The following KIF17 variants were observed in gnomAD, a reference collection of about 807,000 sequenced individuals.
The protein encoded by KIF17 is kinesin family member 17, also known as kinesin-like protein KIF17.
KIF17 carries 80 observed loss-of-function variants against 96.8 expected under a neutral mutation model. That is an observed-to-expected ratio of 0.83 (90% confidence interval 0.69 to 1.00). The LOEUF (loss-of-function observed/expected upper bound fraction) is 1.00. KIF17 is among the 50% of genes least tolerant of loss of function. The pLI is 0.00. For synonymous variants in KIF17, 567 were observed against 587.5 expected (o/e 0.97, Z 0.51); for missense variants, 1,280 against 1,372.9 (o/e 0.93, Z 1.07).
At chr1:20,707,871 A>G (rs191295941) in intron 4 of KIF17, among the ~76,000 whole-genome samples, 7 of 147,002 alleles carry the variant, frequency 4.8e-5, no homozygotes, top group Middle Eastern at 3.6e-3. Flanking sequence ...TAATATATAC[A>G]TTTATATATA....
chr1:20,714,071 C>T (rs139259969), intron 2 of KIF17, among the ~76,000 whole-genome samples: 2,415 of 152,040 alleles, frequency 0.016, 36 homozygotes, highest in Non-Finnish European at 0.023. Flanking sequence ...CTCACGCCTG[C>T]AATCCCAGCA....
At chr1:20,707,753 G>A (rs1360656411) in intron 4 of KIF17, among the ~76,000 whole-genome samples, 3 of 145,848 alleles carry the variant, frequency 2.1e-5, no homozygotes, top group Non-Finnish European at 3.0e-5. Context: ...CTGGGCAACA[G>A]AGCTGTCTCA....
At chr1:20,712,886 TATAG>T (rs1199549047) in intron 3 of KIF17, among the ~76,000 whole-genome samples, 6 of 88,966 alleles carry the variant, frequency 6.7e-5, no homozygotes, top group Non-Finnish European at 9.7e-5. Flanking sequence ...CTATATATAA[TATAG>T]ATAATATTAT....
chr1:20,688,496 G>A (rs1031340531), intron 7 of KIF17, among the ~76,000 whole-genome samples: 1 of 152,104 alleles, frequency 6.6e-6, no homozygotes, highest in African/African-American at 2.4e-5. Context: ...AGCCTTCCCT[G>A]ACCAACGCTG....
intron 7 of KIF17, among the ~76,000 whole-genome samples, chr1:20,688,164 G>A (rs913846410): frequency 3.3e-5 from 5 of 151,404 alleles, no homozygotes; most frequent in South Asian, 4.2e-4. Context: ...CTCCTGCCTC[G>A]GCCTCCCGAG....
At chr1:20,711,891 T>A (rs1337106401) in intron 3 of KIF17, among the ~76,000 whole-genome samples, 20 of 152,150 alleles carry the variant, frequency 1.3e-4, no homozygotes. Context: ...CTCAGTTTCC[T>A]CATCTGTTGT....
intron 6 of KIF17, among the ~76,000 whole-genome samples, chr1:20,691,115 GGCGAAACCCCGCCTCTACTAAAAAT>G (rs769092234): frequency 1.6e-4 from 25 of 151,582 alleles, no homozygotes; most frequent in Non-Finnish European, 3.5e-4. Flanking sequence ...TGGCCAACAT[GGCGAAACCCCGCCTCTACTAAAAAT>G]GCAAAAATTA....
chr1:20,667,992 A>G (rs949529815), intron 13 of KIF17, among the ~76,000 whole-genome samples: 1 of 148,730 alleles, frequency 6.7e-6, no homozygotes, highest in Non-Finnish European at 1.5e-5. Flanking sequence ...CCTGGGCAAC[A>G]AGAGTGAAAC....
At chr1:20,702,443 T>A (rs1570470209) in intron 5 of KIF17, among the ~76,000 whole-genome samples, 1 of 152,256 alleles carries the variant, frequency 6.6e-6, no homozygotes, top group South Asian at 2.1e-4. Flanking sequence ...CCTGGTACCC[T>A]CACCATTCTT....
At chr1:20,692,658 T>G (rs540138838) in intron 6 of KIF17, 1 of 152,336 alleles carries the variant, frequency 6.6e-6, no homozygotes, top group East Asian at 1.9e-4. Context: ...TTTCTGTGTG[T>G]GTGCTCATGA....
At chr1:20,703,605 T>C (rs1205730646) in intron 5 of KIF17, among the ~76,000 whole-genome samples, 1 of 147,592 alleles carries the variant, frequency 6.8e-6, no homozygotes, top group Non-Finnish European at 1.5e-5. Flanking sequence ...GGTGGGAAGG[T>C]GGGTAGGTGG....
At position 20,714,468 on chromosome 1, in the gene KIF17, C is replaced by A. The variant is rs370643913; in HGVS notation, c.379-913G>T. ...TCGCGCCATTGCACTCCAGCCTGGGCGAAAGAGCAAGACTCCGTCTCAAAA... is the reference window on the plus strand; with the variant it reads ...TCGCGCCATTGCACTCCAGCCTGGGAGAAAGAGCAAGACTCCGTCTCAAAA... On this transcript the variant is annotated intron_variant, in intron 2 of 14. Transcript: ENST00000400463. 3.4e-5 allele frequency among the ~76,000 whole-genome samples: 5 copies of A among 148,452 alleles called. No homozygotes were observed. The South Asian group carries it at 1.1e-3, about 32-fold the overall frequency.
chr1:20,670,296 C>G, intron 13 of KIF17, 125 bp downstream of exon 13: 1 of 934,722 alleles, frequency 1.1e-6, no homozygotes, highest in Non-Finnish European at 1.7e-6. Flanking sequence ...AGCCTTGGCC[C>G]CTTCTTTAAT....
intron 6 of KIF17, among the ~76,000 whole-genome samples, chr1:20,695,376 C>T (rs187849843): frequency 1.3e-5 from 2 of 152,272 alleles, no homozygotes; most frequent in East Asian, 1.9e-4. Context: ...GTAGTAGAGA[C>T]GGGGTTTCGC....
chr1:20,690,041 T>C lies in KIF17; in HGVS notation c.1381+147A>G, dbSNP rs568893256. Reference sequence around the variant, plus strand: ...TCCTCATCTATATAGCGAGCATAATTGTGGTACCTACCTTACTGGACCATT... The same window carrying C: ...TCCTCATCTATATAGCGAGCATAATCGTGGTACCTACCTTACTGGACCATT... On this transcript the variant is annotated intron_variant, in intron 7 of 14. Transcript: ENST00000400463. The C allele has an allele frequency of 4.8e-6, 4 of 825,440 alleles. No homozygotes were observed. In the African/African-American group the frequency reaches 6.7e-5, roughly 14 times the overall value. The allele number at this position is 825,440 out of a possible 1,614,324, so 51.1% of individuals were successfully genotyped here.
intron 11 of KIF17, among the ~76,000 whole-genome samples, chr1:20,674,575 C>CTTTT (rs34777403): frequency 0.1 from 14,636 of 142,102 alleles, 957 homozygotes; most frequent in Middle Eastern, 0.17. Flanking sequence ...ATTTATCCCT[C>CTTTT]TTTTTTTTTT....
At chr1:20,698,939 G>C (rs909164385) in intron 5 of KIF17, among the ~76,000 whole-genome samples, 2 of 152,098 alleles carry the variant, frequency 1.3e-5, no homozygotes, top group Non-Finnish European at 2.9e-5. Context: ...AGTTAGAAGG[G>C]TTGCAATTTT....
In KIF17 at chr1:20,704,501, T is replaced by C. The variant is rs777271601; in HGVS notation, c.1069A>G (p.Ile357Val). ...GTCAGGATGGCCTTGAGCTTCTTGA[T>C]CTCCTCCTGGTACTCGCGAAGCAGC... Reference protein sequence around the residue: ...DALLREYQEEIKKLKAILTQQ... With the variant: ...DALLREYQEEVKKLKAILTQQ... The change falls in exon 5 of 15, where the codon ATC (isoleucine) becomes GTC (valine). Residue 357 changes from isoleucine (I) to valine (V), a missense_variant. Transcript: ENST00000400463. This position sits in a 1 kb window ranked among gnomAD's most constrained non-coding sequence, Gnocchi z 6.8. 1.2e-6 allele frequency: 2 copies of C among 1,614,174 alleles called. No individual in the cohort carries two copies. The highest frequency in any genetic ancestry group is 1.7e-6 in the Non-Finnish European group (2 of 1,180,020).
chr1:20,713,491 C>T lies in KIF17; in HGVS notation c.443G>A (p.Arg148Gln), dbSNP rs371219583. 1.2e-4 allele frequency: 188 copies of T among 1,613,440 alleles called. No individual in the cohort carries two copies. The highest frequency in any genetic ancestry group is 3.7e-4 in the Admixed American group (22 of 59,984). ...CTTGGTGTCAGCCCCAAGGAGGTCC[C>T]GGACATCTTCATTGTAGATCTCCAG... Reference protein sequence around the residue: ...SYLEIYNEDVRDLLGADTKQK... With the variant: ...SYLEIYNEDVQDLLGADTKQK... Residue 148 changes from arginine to glutamine, a missense_variant, in exon 3 of 15, where the codon CGG becomes CAG. Transcript: ENST00000400463.
Sources: allele counts gnomAD v4.1 joint callset (sites outside exome capture counted in the v4.1 genomes callset), GRCh38; gene constraint gnomAD v4.1.1; non-coding constraint Gnocchi (gnomAD v3.1); transcripts MANE v1.5; gene names NCBI Gene and HGNC (gene_info 2026-07-23, HGNC 2026-07-21).